The following TMEM178B variants were observed in gnomAD, a reference collection of about 807,000 sequenced individuals.
TMEM178B encodes the protein transmembrane protein 178B.
Under a neutral mutation model 31.0 loss-of-function variants are expected in TMEM178B, and 5 were observed. That is an observed-to-expected ratio of 0.16 (90% CI 0.08 to 0.34). TMEM178B has a LOEUF of 0.34. Ranked by LOEUF, TMEM178B falls within the 10% of genes least tolerant of loss-of-function variation. The probability of loss-of-function intolerance (pLI) is 1.00; values close to 1 mark genes in which losing one functional copy is unlikely to be tolerated. For synonymous variants in TMEM178B, 164 were observed against 164.0 expected, an observed-to-expected ratio of 1.00 and a Z score of 0.00; for missense variants, 275 against 400.3, an observed-to-expected ratio of 0.69 and a Z score of 2.67.
intron 1 of TMEM178B, among the ~76,000 whole-genome samples, chr7:141,179,809 C>T (rs1227775445): frequency 1.3e-5 from 2 of 152,168 alleles, no homozygotes; most frequent in African/African-American, 4.8e-5. Flanking sequence ...GGCCACACTG[C>T]AAAGAAGATG....
chr7:141,455,775 A>G (rs1159416496), intron 3 of TMEM178B, among the ~76,000 whole-genome samples: 3 of 152,282 alleles, frequency 2.0e-5, no homozygotes, highest in Non-Finnish European at 2.9e-5. Context: ...GGGTGACAGC[A>G]TGCAAAATTC....
At chr7:141,250,617 C>G (rs970778295) in intron 2 of TMEM178B, among the ~76,000 whole-genome samples, 2 of 152,082 alleles carry the variant, frequency 1.3e-5, no homozygotes, top group Non-Finnish European at 2.9e-5. Context: ...GCTCTGTGCT[C>G]ACCTTCCTTT....
intron 2 of TMEM178B, among the ~76,000 whole-genome samples, chr7:141,280,430 G>A (rs1366801277): frequency 2.0e-5 from 3 of 152,102 alleles, no homozygotes; most frequent in Admixed American, 2.0e-4. Context: ...TCGTGGTAGT[G>A]TATAAGTCTC....
intron 2 of TMEM178B, among the ~76,000 whole-genome samples, chr7:141,245,253 A>G (rs569876269): frequency 6.9e-6 from 1 of 144,008 alleles, no homozygotes; most frequent in South Asian, 2.4e-4. Flanking sequence ...AAGAAACATC[A>G]TGTTAAGGGG....
chr7:141,150,814 A>G (rs901625543), intron 1 of TMEM178B, among the ~76,000 whole-genome samples: 1 of 152,248 alleles, frequency 6.6e-6, no homozygotes, highest in Non-Finnish European at 1.5e-5. Flanking sequence ...TTTAAGTCAC[A>G]TACTTTTGGG....
In TMEM178B at chr7:141,212,071, G is replaced by C. The variant is rs1278889095; in HGVS notation, c.383-520G>C. Among the ~76,000 whole-genome samples, 3 of 152,180 alleles carry C rather than the reference G, an allele frequency of 2.0e-5. No homozygotes were observed. In the East Asian group the frequency reaches 5.8e-4, roughly 29 times the overall value. ...GTTCAAGAAACCTGAAAAGAGACTAGTTCAAAGAGACACGGATTGATCTGA... is the reference window on the plus strand; with the variant it reads ...GTTCAAGAAACCTGAAAAGAGACTACTTCAAAGAGACACGGATTGATCTGA... On this transcript the variant is annotated intron_variant, in intron 1 of 3. Coordinates refer to ENST00000565468, the MANE Select transcript of TMEM178B (RefSeq NM_001195278.2).
chr7:141,223,882 T>G (rs1015737175), intron 2 of TMEM178B, among the ~76,000 whole-genome samples: 2 of 152,178 alleles, frequency 1.3e-5, no homozygotes, highest in South Asian at 4.1e-4. Context: ...TATGACTATT[T>G]CAACTGAGGA....
intron 1 of TMEM178B, among the ~76,000 whole-genome samples, chr7:141,140,420 G>GTA (rs1795751428): frequency 6.6e-6 from 1 of 152,100 alleles, no homozygotes; most frequent in Non-Finnish European, 1.5e-5. Flanking sequence ...GAACAGTTTT[G>GTA]TATTTACAGA....
intron 2 of TMEM178B, among the ~76,000 whole-genome samples, chr7:141,298,878 T>C (rs1319814229): frequency 6.6e-6 from 1 of 152,226 alleles, no homozygotes; most frequent in Non-Finnish European, 1.5e-5. Context: ...TTGAGAAAGA[T>C]ATGGAGAGAT....
At chr7:141,096,483 C>T (rs921024883) in intron 1 of TMEM178B, among the ~76,000 whole-genome samples, 14 of 152,266 alleles carry the variant, frequency 9.2e-5, no homozygotes, top group African/African-American at 2.9e-4. Context: ...CCTGAGTCCT[C>T]GAATGTCAGA....
chr7:141,499,663 C>A, the TMEM178B span, among the ~76,000 whole-genome samples: 447 of 151,910 alleles, frequency 2.9e-3, 1 homozygote, highest in Non-Finnish European at 4.2e-3. Context: ...AAAAACCCCA[C>A]AAAAGATAAG....
intron 2 of TMEM178B, among the ~76,000 whole-genome samples, chr7:141,221,809 G>A (rs943666966): frequency 6.6e-6 from 1 of 152,252 alleles, no homozygotes; most frequent in African/African-American, 2.4e-5. Context: ...CCAAGTTCAT[G>A]TTGTGTGATG....
At chr7:141,079,550 C>G (rs2129170672) in intron 1 of TMEM178B, among the ~76,000 whole-genome samples, 1 of 152,268 alleles carries the variant, frequency 6.6e-6, no homozygotes, top group African/African-American at 2.4e-5. Context: ...CTTTAAGAAA[C>G]TGCTACTTGA....
At chr7:141,356,378 C>A (rs1237040157) in intron 2 of TMEM178B, among the ~76,000 whole-genome samples, 1 of 131,948 alleles carries the variant, frequency 7.6e-6, no homozygotes, top group Non-Finnish European at 1.7e-5. Context: ...TCACTGACAT[C>A]TGTTTTTTTT....
chr7:141,154,694 G>A (rs1338353458), intron 1 of TMEM178B, among the ~76,000 whole-genome samples: 2 of 151,204 alleles, frequency 1.3e-5, no homozygotes, highest in Non-Finnish European at 2.9e-5. Flanking sequence ...GAGCCCTGGA[G>A]CTCTTAGTCC....
At chr7:141,481,295 T>C (rs974486081), downstream of TMEM178B, among the ~76,000 whole-genome samples, 1 of 152,150 alleles carries the variant, frequency 6.6e-6, no homozygotes, top group Non-Finnish European at 1.5e-5. Context: ...TCTTCTCTCT[T>C]GAGGGATGAG....
At chr7:141,144,893 C>A (rs1314991714) in intron 1 of TMEM178B, among the ~76,000 whole-genome samples, 2 of 152,114 alleles carry the variant, frequency 1.3e-5, no homozygotes, top group Non-Finnish European at 2.9e-5. Flanking sequence ...TGACCAGGCT[C>A]AGGGTGGCTG....
At chr7:141,509,092 A>G in the TMEM178B span, among the ~76,000 whole-genome samples, 12 of 152,328 alleles carry the variant, frequency 7.9e-5, no homozygotes, top group South Asian at 2.5e-3. Flanking sequence ...GAAGACTGGT[A>G]TTAAACATCC....
chr7:141,482,724 CA>C (rs2116748652), downstream of TMEM178B, among the ~76,000 whole-genome samples: 1 of 152,244 alleles, frequency 6.6e-6, no homozygotes, highest in South Asian at 2.1e-4. Flanking sequence ...TTACAATCAG[CA>C]AAGGTAAAGG....
Sources: gnomAD v4.1 joint callset for allele counts (sites outside exome capture counted in the v4.1 genomes callset) on GRCh38, gnomAD v4.1.1 for gene constraint, MANE v1.5 for transcripts, NCBI Gene and HGNC (gene_info 2026-07-23, HGNC 2026-07-21) for gene names.